RAB21: variants seen among roughly 807,000 people sequenced by gnomAD.
RAB21 encodes the protein ras-related protein Rab-21.
In RAB21, 13 loss-of-function variants were observed where a neutral mutation model predicts 33.1. The observed-to-expected ratio is 0.39, with a 90% CI of 0.26 to 0.62. RAB21 has a LOEUF of 0.62. RAB21 is among the 20% of genes least tolerant of loss of function. The pLI, the probability that RAB21 is intolerant of heterozygous loss-of-function variation, is 0.48. For synonymous variants in RAB21, 91 were observed against 103.7 expected, an observed-to-expected ratio of 0.88 and a Z score of 0.74; for missense variants, 234 against 279.1, an observed-to-expected ratio of 0.84 and a Z score of 1.15.
At position 71,791,661 on chromosome 12, in the gene RAB21, T is replaced by G. The variant is rs1402554212; in HGVS notation, c.*5988T>G. The G allele has an allele frequency of 6.6e-6, 1 of 152,202 alleles. No homozygotes were observed. The highest frequency in any genetic ancestry group is 6.5e-5 in the Admixed American group (1 of 15,276). 9.4% of individuals were successfully genotyped at this position (152,202 alleles called of 1,614,324 possible). On this transcript the variant is annotated 3_prime_UTR_variant, in exon 7 of 7. Transcript: ENST00000261263. ...ATATAGAGTAAAAACAAAAGTTCCT[T>G]TTTAGATCTCCCTTCCCTCATCATC... is the stretch of plus-strand genomic sequence containing the variant.
In RAB21 at chr12:71,791,189, G is replaced by C. The variant is rs328749; in HGVS notation, c.*5516G>C. On this transcript the variant is annotated 3_prime_UTR_variant, in exon 7 of 7. Transcript: ENST00000261263. ...ATTTTTAGTAGAGATGGGAAGTCTT[G>C]CTGTGTTGCCCAGGCTGGTCTTGAA... is the stretch of plus-strand genomic sequence containing the variant. 6.5e-6 allele frequency: 1 copy of C among 153,596 alleles called. No individual in the cohort carries two copies. The highest frequency in any genetic ancestry group is 1.4e-5 in the Non-Finnish European group (1 of 69,292). 9.5% of individuals were successfully genotyped at this position (153,596 alleles called of 1,614,324 possible).
At chr12:71,760,422 T>C (rs2137639074) in intron 1 of RAB21, among the ~76,000 whole-genome samples, 1 of 152,310 alleles carries the variant, frequency 6.6e-6, no homozygotes, top group African/African-American at 2.4e-5. Flanking sequence ...TTTGAGGCTT[T>C]GATAAACTTG....
chr12:71,782,528 A>T (rs761164831), intron 5 of RAB21, 42 bp from the exon 6 acceptor site: 1 of 1,366,388 alleles, frequency 7.3e-7, no homozygotes, highest in Non-Finnish European at 1.0e-6. Context: ...CAAAATCATG[A>T]ATAATATTTT....
In RAB21 at chr12:71,799,174, G is replaced by T. The variant is rs547521502; in HGVS notation, c.*13501G>T. The stretch of plus-strand genomic sequence containing the variant: ...TTCTCCAGCTTCCCAGGAGTGAAAG[G>T]TTGTAGTGGCTGGCCTCTGGTTCCC... On this transcript the variant is annotated 3_prime_UTR_variant, in exon 7 of 7. Transcript: ENST00000261263. 2 of 152,238 alleles carry T rather than the reference G, an allele frequency of 1.3e-5. No individual in the cohort carries two copies. Among genetic ancestry groups the T allele is most frequent in the Non-Finnish European group, 2.9e-5 (2 of 68,052 alleles). The allele number at this position is 152,238 out of a possible 1,614,324, so 9.4% of individuals were successfully genotyped here.
At chr12:71,774,050 A>T (rs1883081788) in intron 4 of RAB21, 28 bp downstream of exon 4, 1 of 1,476,712 alleles carries the variant, frequency 6.8e-7, no homozygotes, top group Non-Finnish European at 9.2e-7. Flanking sequence ...TTTCTAAAAA[A>T]AAAGTCCTCT....
At position 71,794,887 on chromosome 12, in the gene RAB21, A is replaced by G. The variant is rs1376420811; in HGVS notation, c.*9214A>G. 1.3e-5 allele frequency: 2 copies of G among 150,982 alleles called. No individual in the cohort carries two copies. The highest frequency in any genetic ancestry group is 4.9e-5 in the African/African-American group (2 of 41,134). 9.4% of individuals were successfully genotyped at this position (150,982 alleles called of 1,614,324 possible). On this transcript the variant is annotated 3_prime_UTR_variant, in exon 7 of 7. Coordinates refer to ENST00000261263, the MANE Select transcript of RAB21 (RefSeq NM_014999.4). ...AGGAGACGGAGGTTGCAGTGAGCAG[A>G]CCTGGTGCCACTGGACTCCAGCCTC...
At chr12:71,762,735 A>G (rs1160938079) in intron 1 of RAB21, among the ~76,000 whole-genome samples, 1 of 151,802 alleles carries the variant, frequency 6.6e-6, no homozygotes, top group Non-Finnish European at 1.5e-5. Flanking sequence ...GGCGCCCACC[A>G]TCACGCCTGG....
chr12:71,759,194 A>G (rs1882834177), intron 1 of RAB21, among the ~76,000 whole-genome samples: 1 of 152,092 alleles, frequency 6.6e-6, no homozygotes, highest in African/African-American at 2.4e-5. Flanking sequence ...TTTAATTTGG[A>G]TTCTGTAATT....
intron 4 of RAB21, among the ~76,000 whole-genome samples, chr12:71,777,705 T>G (rs138926724): frequency 2.1e-4 from 32 of 152,318 alleles, no homozygotes; most frequent in Non-Finnish European, 4.0e-4. Context: ...AAGTCTTAAA[T>G]TCTCTAGATC....
intron 1 of RAB21, among the ~76,000 whole-genome samples, chr12:71,757,517 A>C (rs901864082): frequency 3.9e-5 from 6 of 152,256 alleles, no homozygotes; most frequent in Non-Finnish European, 5.9e-5. Flanking sequence ...ACTGTACTCC[A>C]CAGAGGGGAG....
chr12:71,778,931 T>A (rs1009261868), intron 4 of RAB21, among the ~76,000 whole-genome samples: 30 of 152,252 alleles, frequency 2.0e-4, no homozygotes, highest in African/African-American at 6.7e-4. Context: ...TCATTTGAGG[T>A]CAGGAGTAAG....
At chr12:71,762,247 A>G (rs1420115505) in intron 1 of RAB21, among the ~76,000 whole-genome samples, 1 of 152,204 alleles carries the variant, frequency 6.6e-6, no homozygotes, top group Admixed American at 6.5e-5. Context: ...GTTTTTAGAA[A>G]CTAAGAAGAA....
chr12:71,779,445 C>A (rs1188446244), intron 4 of RAB21, among the ~76,000 whole-genome samples: 1 of 152,082 alleles, frequency 6.6e-6, no homozygotes, highest in East Asian at 1.9e-4. Flanking sequence ...CAGAGCAAGA[C>A]CCTGTCTCAA....
At position 71,785,640 on chromosome 12, in the gene RAB21, G is replaced by A. The variant is rs763090467; in HGVS notation, c.645G>A (p.Gln215=). The change falls in exon 7 of 7, where the codon CAG becomes CAA. Residue 215 remains glutamine, a synonymous_variant. Coordinates refer to ENST00000261263, the MANE Select transcript of RAB21 (RefSeq NM_014999.4). ...TTATTGATGATGAACCTCAAGCCCA[G>A]ACCAGTGGTGGAGGGTGCTGTTCTT... ...VQIIDDEPQA[Q]TSGGGCCSSG 68 of 1,614,090 alleles carry A rather than the reference G, an allele frequency of 4.2e-5. No homozygotes were observed. Among genetic ancestry groups the A allele is most frequent in the Non-Finnish European group, 5.4e-5 (64 of 1,180,052 alleles).
intron 6 of RAB21, among the ~76,000 whole-genome samples, chr12:71,784,603 A>G (rs1406250886): frequency 6.6e-6 from 1 of 152,038 alleles, no homozygotes; most frequent in East Asian, 1.9e-4. Flanking sequence ...CTTGGCAACC[A>G]TGTCAAAAAT....
chr12:71,776,143 A>G (rs1883116361), intron 4 of RAB21, among the ~76,000 whole-genome samples: 1 of 152,170 alleles, frequency 6.6e-6, no homozygotes, highest in Non-Finnish European at 1.5e-5. Context: ...TGAAGATTTA[A>G]TATTTTGGGA....
intron 1 of RAB21, among the ~76,000 whole-genome samples, chr12:71,762,056 TTAG>T (rs1232252349): frequency 6.6e-6 from 1 of 152,222 alleles, no homozygotes; most frequent in African/African-American, 2.4e-5. Context: ...TAGTATTTAA[TTAG>T]TATTTTATAG....
At chr12:71,760,532 C>T (rs530730377) in intron 1 of RAB21, among the ~76,000 whole-genome samples, 5 of 152,274 alleles carry the variant, frequency 3.3e-5, no homozygotes, top group East Asian at 3.9e-4. Flanking sequence ...ATTCAAGAAA[C>T]GTTTATTTTA....
chr12:71,771,236 G>C (rs1446043131), intron 3 of RAB21, among the ~76,000 whole-genome samples: 2 of 152,108 alleles, frequency 1.3e-5, no homozygotes, highest in Admixed American at 6.5e-5. Context: ...CACCACATAC[G>C]TATGACTCTT....
Sources: gnomAD v4.1 joint callset for allele counts (sites outside exome capture counted in the v4.1 genomes callset) on GRCh38, gnomAD v4.1.1 for gene constraint, MANE v1.5 for transcripts, NCBI Gene and HGNC (gene_info 2026-07-23, HGNC 2026-07-21) for gene names.